The following LTV1 variants were observed in gnomAD, a reference collection of about 807,000 sequenced individuals.
The protein encoded by LTV1 is protein LTV1 homolog.
Under a neutral mutation model 59.9 loss-of-function variants are expected in LTV1, and 39 were observed. The observed-to-expected ratio is 0.65, with a 90% CI of 0.50 to 0.85. The LOEUF (loss-of-function observed/expected upper bound fraction) is 0.85. Among genes scored for constraint, LTV1 ranks in the 40% least tolerant of loss-of-function variants. The pLI is 0.00. For synonymous variants in LTV1, 171 were observed against 189.5 expected (o/e 0.90, Z 0.80); for missense variants, 493 against 549.1 (o/e 0.90, Z 1.02).
intron 4 of LTV1, 47 bp downstream of exon 4, chr6:143,850,265 A>G (rs1337530782): frequency 1.4e-6 from 2 of 1,432,010 alleles, no homozygotes; most frequent in Non-Finnish European, 2.0e-6. Context: ...TGTATTTTGC[A>G]AAACATAAAG....
Position 143,863,589 on chromosome 6 carries a change from G to T in LTV1, c.*62G>T. On this transcript the variant is annotated 3_prime_UTR_variant, in exon 11 of 11. Coordinates refer to ENST00000367576, the MANE Select transcript of LTV1 (RefSeq NM_032860.5). This position sits in a 1 kb window ranked among gnomAD's most constrained non-coding sequence, Gnocchi z 4.5. ...GCTCCTCATCTTTGGTTATTGACTA[G>T]AAACTTCAGAAAGACAAAACTGTTT... 1 of 1,053,164 alleles carries T rather than the reference G, an allele frequency of 9.5e-7. No homozygotes were observed. Among genetic ancestry groups the T allele is most frequent in the South Asian group, 1.7e-5 (1 of 57,638 alleles). 65.2% of individuals were successfully genotyped at this position (1,053,164 alleles called of 1,614,324 possible).
chr6:143,853,876 C>T (rs1288097171), intron 4 of LTV1, among the ~76,000 whole-genome samples: 2 of 152,192 alleles, frequency 1.3e-5, no homozygotes, highest in African/African-American at 4.8e-5. Context: ...ACGATTTTCG[C>T]ATTGATGTTC....
At position 143,844,530 on chromosome 6, in the gene LTV1, G is replaced by A; in HGVS notation, c.48G>A (p.Val16=). 1 of 1,614,072 alleles carries A rather than the reference G, an allele frequency of 6.2e-7. No individual in the cohort carries two copies. The highest frequency in any genetic ancestry group is 1.3e-5 in the African/African-American group (1 of 75,032). Residue 16 remains valine (V), a synonymous_variant, in exon 2 of 11, where the codon GTG becomes GTA. Transcript: ENST00000367576. ...KKPFIEKKKA[V]SFHLVHRSQR... The stretch of plus-strand genomic sequence containing the variant: ...CCTTTATAGAGAAGAAGAAAGCTGT[G>A]TCTTTTCACTTGGTCCACCGGAGCC...
chr6:143,861,970 G>A (rs1379863977), intron 7 of LTV1, 134 bp from the exon 8 acceptor site: 10 of 792,314 alleles, frequency 1.3e-5, no homozygotes, highest in Non-Finnish European at 2.0e-5. Context: ...AGAAAATAAC[G>A]GATGGGTCAC....
At chr6:143,861,447 G>C (rs1467962164) in intron 7 of LTV1, among the ~76,000 whole-genome samples, 1 of 150,846 alleles carries the variant, frequency 6.6e-6, no homozygotes, top group African/African-American at 2.4e-5. Context: ...AAAAAAAAAA[G>C]AAATAAAGGG....
rs1777064310 is a variant in LTV1 at position 143,855,730 on chromosome 6, A to G, written c.398-1573A>G. Among the ~76,000 whole-genome samples, 1 of 152,158 alleles carries G rather than the reference A, an allele frequency of 6.6e-6. No homozygotes were observed. Among genetic ancestry groups the G allele is most frequent in the Non-Finnish European group, 1.5e-5 (1 of 68,034 alleles). On this transcript the variant is annotated intron_variant, in intron 4 of 10. Coordinates refer to ENST00000367576, the MANE Select transcript of LTV1 (RefSeq NM_032860.5). The surrounding 1 kb of genome is among the most constrained non-coding windows in gnomAD (Gnocchi z 4.6). The stretch of plus-strand genomic sequence containing the variant: ...TTAATTTGGCTGGATATGAGATTCT[A>G]AGTTGAAAATTCTTTACTTTAAGGA...
chr6:143,845,251 G>C (rs1354996499), intron 2 of LTV1, among the ~76,000 whole-genome samples: 1 of 152,160 alleles, frequency 6.6e-6, no homozygotes, highest in Non-Finnish European at 1.5e-5. Flanking sequence ...CACTTATTAA[G>C]TGTAGATATT....
chr6:143,846,900 C>T (rs1047443017), intron 3 of LTV1, among the ~76,000 whole-genome samples: 1 of 152,140 alleles, frequency 6.6e-6, no homozygotes. Flanking sequence ...AGGAGACATT[C>T]ATTAGGTTTA....
rs762074903 is a variant in LTV1, at chr6:143,862,129, C to T, written c.949C>T (p.Pro317Ser). 5.0e-6 allele frequency: 8 copies of T among 1,613,828 alleles called. No individual in the cohort carries two copies. Among genetic ancestry groups the T allele is most frequent in the African/African-American group, 1.3e-5 (1 of 74,886 alleles). The change falls in exon 8 of 11, where the codon CCC becomes TCC. Residue 317 changes from proline to serine, a missense_variant. Pro to Ser is a moderately conservative substitution (Grantham distance 74). Coordinates refer to ENST00000367576, the MANE Select transcript of LTV1 (RefSeq NM_032860.5). The surrounding 1 kb of genome is among the most constrained non-coding windows in gnomAD (Gnocchi z 4.2). ...TTGTGTAAAATTGAATACCCTTGAA[C>T]CCTTGGAGGATCAAGACCTGCCAAT... is the stretch of plus-strand genomic sequence containing the variant. ...ENCVKLNTLE[P>S]LEDQDLPMNE...
chr6:143,856,344 T>G (rs1777076955), intron 4 of LTV1, among the ~76,000 whole-genome samples: 2 of 152,206 alleles, frequency 1.3e-5, no homozygotes, highest in African/African-American at 4.8e-5. Flanking sequence ...CTAACCTTTT[T>G]TCAAGGTTTT....
intron 4 of LTV1, among the ~76,000 whole-genome samples, chr6:143,852,460 G>A (rs1416003025): frequency 1.3e-5 from 2 of 152,064 alleles, no homozygotes; most frequent in Non-Finnish European, 2.9e-5. Context: ...TGTAGATTCT[G>A]GATATTAGCC....
chr6:143,856,711 G>C (rs901256110), intron 4 of LTV1, among the ~76,000 whole-genome samples: 7 of 152,326 alleles, frequency 4.6e-5, no homozygotes, highest in African/African-American at 1.7e-4. Flanking sequence ...GTCTGCTGGA[G>C]TTTGCTGGAG....
intron 7 of LTV1, among the ~76,000 whole-genome samples, chr6:143,861,306 T>C (rs568741191): frequency 1.3e-5 from 2 of 152,000 alleles, no homozygotes; most frequent in South Asian, 4.2e-4. Context: ...GGCGTGGTGG[T>C]GTACACCTGT....
At chr6:143,858,984 T>G (rs530532049) in intron 6 of LTV1, among the ~76,000 whole-genome samples, 82 of 152,244 alleles carry the variant, frequency 5.4e-4, no homozygotes, top group Admixed American at 1.6e-3. Context: ...CGTGTGTAGG[T>G]CAAAAGGAGT....
chr6:143,859,008 G>A (rs911345847), intron 6 of LTV1, among the ~76,000 whole-genome samples: 7 of 151,778 alleles, frequency 4.6e-5, no homozygotes, highest in Non-Finnish European at 7.4e-5. Context: ...CTGATCAAAC[G>A]TTCTTATTTT....
At chr6:143,850,270 A>G in intron 4 of LTV1, 52 bp downstream of exon 4, 2 of 1,387,324 alleles carry the variant, frequency 1.4e-6, no homozygotes, top group East Asian at 2.3e-5. Context: ...TTTGCAAAAC[A>G]TAAAGAAATG....
intron 3 of LTV1, among the ~76,000 whole-genome samples, chr6:143,847,103 C>G (rs979323791): frequency 6.6e-6 from 1 of 152,220 alleles, no homozygotes; most frequent in Admixed American, 6.5e-5. Flanking sequence ...ATAACTGCAG[C>G]TGCTCGTTCA....
At chr6:143,844,108 C>A (rs75332698) in intron 1 of LTV1, among the ~76,000 whole-genome samples, 2,158 of 152,314 alleles carry the variant, frequency 0.014, 44 homozygotes, top group African/African-American at 0.05. Context: ...CATTCTAGTT[C>A]AGTCGGCCAG....
At position 143,857,451 on chromosome 6, in the gene LTV1, G is replaced by A; in HGVS notation, c.539+7G>A. 6.2e-7 allele frequency: 1 copy of A among 1,612,378 alleles called. No homozygotes were observed. Among genetic ancestry groups the A allele is most frequent in the Non-Finnish European group, 8.5e-7 (1 of 1,178,566 alleles). ...AAGAGGGAATGGATATACAGTATGTGTGGTTTGTTTCAAAGCAGAGATGAT... is the reference window on the plus strand; with the variant it reads ...AAGAGGGAATGGATATACAGTATGTATGGTTTGTTTCAAAGCAGAGATGAT... On this transcript the variant is annotated splice_region_variant and intron_variant, in intron 5 of 10. Coordinates refer to ENST00000367576, the MANE Select transcript of LTV1 (RefSeq NM_032860.5). This position sits in a 1 kb window ranked among gnomAD's most constrained non-coding sequence, Gnocchi z 5.2.
Sources: gnomAD v4.1 joint callset for allele counts (sites outside exome capture counted in the v4.1 genomes callset) on GRCh38, gnomAD v4.1.1 for gene constraint, Gnocchi (gnomAD v3.1) non-coding constraint, MANE v1.5 for transcripts, NCBI Gene and HGNC (gene_info 2026-07-23, HGNC 2026-07-21) for gene names.